TTC1: variants seen among roughly 807,000 people sequenced by gnomAD.
The protein encoded by TTC1 is tetratricopeptide repeat protein 1.
A neutral mutation model predicts 37.6 loss-of-function variants in TTC1; 31 were observed. The ratio of observed to expected loss-of-function variants is 0.82; its 90% CI spans 0.62 to 1.11. The LOEUF (loss-of-function observed/expected upper bound fraction) is 1.11. TTC1 is among the 50% of genes most tolerant of loss of function. TTC1 has a pLI of 0.00. For missense variants in TTC1, 351 were observed against 339.0 expected (o/e 1.04, Z -0.28); for synonymous variants, 127 against 122.4 (o/e 1.04, Z -0.25).
intron 2 of TTC1, chr5:160,023,616 C>A: frequency 1.3e-6 from 1 of 781,690 alleles, no homozygotes; most frequent in Non-Finnish European, 2.1e-6. Context: ...TGTTTTATCA[C>A]GAAACAGATC....
chr5:160,033,046 C>T (rs2113366178), intron 2 of TTC1, among the ~76,000 whole-genome samples: 1 of 152,214 alleles, frequency 6.6e-6, no homozygotes, highest in African/African-American at 2.4e-5. Context: ...CTTTCTAAGC[C>T]TATTCGTTAA....
chr5:160,010,935 C>T (rs1356080697), intron 2 of TTC1, 77 bp downstream of exon 2: 13 of 1,327,510 alleles, frequency 9.8e-6, no homozygotes, highest in Non-Finnish European at 1.2e-5. Flanking sequence ...TATCATAGAC[C>T]ACCTCATCTG....
intron 4 of TTC1, among the ~76,000 whole-genome samples, chr5:160,041,709 G>A (rs374502695): frequency 3.3e-5 from 5 of 152,054 alleles, no homozygotes; most frequent in South Asian, 2.1e-4. Context: ...ATGTTATGAC[G>A]GCTACTATGT....
rs1756752593 is a variant in TTC1, at chr5:160,023,687, C to T, written c.331-11453C>T. 2.0e-6 allele frequency: 3 copies of T among 1,486,712 alleles called. No homozygotes were observed. The African/African-American group carries it at 4.2e-5, about 21-fold the overall frequency. 92.1% of individuals were successfully genotyped at this position (1,486,712 alleles called of 1,614,324 possible). ...GGCTCAATGGGGACAAAGCCGTGTGCACAAGGCATGTCACATGTTGCCTAA... is the reference window on the plus strand; with the variant it reads ...GGCTCAATGGGGACAAAGCCGTGTGTACAAGGCATGTCACATGTTGCCTAA... On this transcript the variant is annotated intron_variant, in intron 2 of 7. Coordinates refer to ENST00000231238, the MANE Select transcript of TTC1 (RefSeq NM_003314.3).
At chr5:160,048,667 C>G (rs150214281) in intron 5 of TTC1, among the ~76,000 whole-genome samples, 1 of 152,258 alleles carries the variant, frequency 6.6e-6, no homozygotes, top group East Asian at 1.9e-4. Context: ...TCTTAGTACT[C>G]AAGACCTAGA....
intron 2 of TTC1, chr5:160,024,092 G>A (rs1756760860): frequency 1.2e-6 from 1 of 843,046 alleles, no homozygotes; most frequent in Non-Finnish European, 2.0e-6. Flanking sequence ...TGGGCAATGG[G>A]TAGAGCCTTC....
chr5:160,033,943 A>G (rs970141977), intron 2 of TTC1, among the ~76,000 whole-genome samples: 2 of 152,174 alleles, frequency 1.3e-5, no homozygotes, highest in African/African-American at 2.4e-5. Context: ...AAATTACTTA[A>G]TCAGAAGCTT....
At chr5:160,025,048 G>A (rs1756777076) in intron 2 of TTC1, among the ~76,000 whole-genome samples, 1 of 152,052 alleles carries the variant, frequency 6.6e-6, no homozygotes, top group Non-Finnish European at 1.5e-5. Flanking sequence ...TTGTTTTTGA[G>A]ACGAAGTCTC....
intron 2 of TTC1, among the ~76,000 whole-genome samples, chr5:160,024,844 G>GT (rs1198266739): frequency 1.1e-4 from 16 of 151,936 alleles, no homozygotes; most frequent in African/African-American, 3.9e-4. Context: ...GTTTTGCTTT[G>GT]TTTTTTTGAA....
At chr5:160,019,629 C>T (rs1756669948) in intron 2 of TTC1, among the ~76,000 whole-genome samples, 1 of 144,698 alleles carries the variant, frequency 6.9e-6, no homozygotes, top group Admixed American at 7.2e-5. Flanking sequence ...TCTCTGTTGC[C>T]CAAGCTGGAG....
chr5:160,025,194 AT>A (rs1210332643), intron 2 of TTC1, among the ~76,000 whole-genome samples: 1 of 151,914 alleles, frequency 6.6e-6, no homozygotes, highest in African/African-American at 2.4e-5. Context: ...CACCTGGCTA[AT>A]TTTTATATTT....
chr5:160,012,674 A>G (rs1184977949), intron 2 of TTC1, among the ~76,000 whole-genome samples: 7 of 152,126 alleles, frequency 4.6e-5, no homozygotes, highest in Non-Finnish European at 5.9e-5. Flanking sequence ...CAGTGAGGAT[A>G]ATTATTTTTA....
chr5:160,051,080 TG>T (rs750386256), intron 6 of TTC1, 48 bp from the exon 7 acceptor site: 92 of 1,380,226 alleles, frequency 6.7e-5, no homozygotes, highest in Middle Eastern at 2.2e-4. Context: ...GGAAAGGTTT[TG>T]GTTTTTTTTT....
intron 1 of TTC1, 78 bp from the exon 2 acceptor site, chr5:160,010,422 A>C (rs1279541075): frequency 1.1e-6 from 1 of 877,270 alleles, no homozygotes; most frequent in Non-Finnish European, 1.7e-6. Flanking sequence ...TGTAATGCAG[A>C]GGTTTGTTTA....
At chr5:160,018,607 G>A (rs568178635) in intron 2 of TTC1, among the ~76,000 whole-genome samples, 1 of 152,338 alleles carries the variant, frequency 6.6e-6, no homozygotes, top group African/African-American at 2.4e-5. Context: ...GCAAGGGTCT[G>A]ATTATGGAAT....
intron 4 of TTC1, among the ~76,000 whole-genome samples, chr5:160,038,659 CTTTTTT>C (rs541012506): frequency 2.9e-4 from 35 of 120,196 alleles, no homozygotes; most frequent in South Asian, 1.6e-3. Context: ...AGTTGCGTTT[CTTTTTT>C]TTTTTTTTTT....
intron 4 of TTC1, among the ~76,000 whole-genome samples, chr5:160,042,462 A>C (rs1002693985): frequency 6.6e-6 from 1 of 152,216 alleles, no homozygotes; most frequent in Non-Finnish European, 1.5e-5. Flanking sequence ...AGATGAGACA[A>C]ACTGAGCCCT....
chr5:160,054,497 C>G (rs1264515246), intron 7 of TTC1, among the ~76,000 whole-genome samples: 1 of 152,020 alleles, frequency 6.6e-6, no homozygotes, highest in Admixed American at 6.6e-5. Flanking sequence ...AGACTGTGGT[C>G]CCAGCTACTT....
chr5:160,010,150 CGGGAGGCTGA>C (rs1345622658), intron 1 of TTC1, among the ~76,000 whole-genome samples: 2 of 150,540 alleles, frequency 1.3e-5, no homozygotes, highest in East Asian at 3.9e-4. Flanking sequence ...CCCAGCTACT[CGGGAGGCTGA>C]GGCAGGAGAA....
Sources: allele counts gnomAD v4.1 joint callset (sites outside exome capture counted in the v4.1 genomes callset), GRCh38; gene constraint gnomAD v4.1.1; transcripts MANE v1.5; gene names NCBI Gene and HGNC (gene_info 2026-07-23, HGNC 2026-07-21).